VCAN: variants seen among roughly 807,000 people sequenced by gnomAD.
The protein encoded by VCAN is versican core protein.
Under a neutral mutation model 245.5 loss-of-function variants are expected in VCAN, and 44 were observed. The observed-to-expected ratio is 0.18, with a 90% CI of 0.14 to 0.23. The LOEUF (loss-of-function observed/expected upper bound fraction) is 0.23, where lower values mean the gene tolerates loss of function less well. Among genes scored for constraint, VCAN ranks in the 10% least tolerant of loss-of-function variants. The pLI is 1.00. For missense variants in VCAN, 3,793 were observed against 4,057.9 expected (o/e 0.93, Z 1.77); for synonymous variants, 1,413 against 1,437.0 (o/e 0.98, Z 0.38).
chr5:83,489,647 G>A (rs971253400), intron 2 of VCAN, among the ~76,000 whole-genome samples: 49 of 152,146 alleles, frequency 3.2e-4, no homozygotes, highest in African/African-American at 1.2e-3. Context: ...TTCCTCTAAG[G>A]TAATGTGGCA....
At chr5:83,547,796 T>C (rs1208847531) in intron 9 of VCAN, among the ~76,000 whole-genome samples, 175 bp from the exon 10 acceptor site, 3 of 152,222 alleles carry the variant, frequency 2.0e-5, no homozygotes, top group East Asian at 1.9e-4. Context: ...CTTTGTAGTA[T>C]AGGTTTGCCC....
intron 5 of VCAN, among the ~76,000 whole-genome samples, chr5:83,508,048 T>G (rs929811624): frequency 6.6e-6 from 1 of 152,226 alleles, no homozygotes; most frequent in Non-Finnish European, 1.5e-5. Flanking sequence ...AGTAATGAGC[T>G]CTTTCCATGT....
chr5:83,519,833 T>C lies in VCAN; in HGVS notation c.1527T>C (p.Pro509=). The C allele has an allele frequency of 6.2e-7, 1 of 1,614,138 alleles. No homozygotes were observed. ...CTATGGAAATCTTAAAGCACATTCC[T>C]TCCAAGGAATTCCCTGTAACTGAAA... ...VTSMEILKHI[P]SKEFPVTETP... is the part of the protein sequence containing the mutation. Residue 509 remains proline, a synonymous_variant, in exon 7 of 15, where the codon CCT becomes CCC. Transcript: ENST00000265077.
At chr5:83,508,733 C>T (rs1461433122) in intron 5 of VCAN, among the ~76,000 whole-genome samples, 1 of 152,182 alleles carries the variant, frequency 6.6e-6, no homozygotes, top group African/African-American at 2.4e-5. Flanking sequence ...AAAGTAAACT[C>T]AATTGATTCT....
At chr5:83,572,115 A>T (rs1050266235) in intron 12 of VCAN, among the ~76,000 whole-genome samples, 29 of 152,190 alleles carry the variant, frequency 1.9e-4, no homozygotes, top group African/African-American at 7.0e-4. Context: ...AATTAATAAT[A>T]TGATGAAATT....
intron 8 of VCAN, among the ~76,000 whole-genome samples, chr5:83,543,289 T>G (rs1747074923): frequency 6.6e-6 from 1 of 152,200 alleles, no homozygotes; most frequent in South Asian, 2.1e-4. Flanking sequence ...ATTAACAATG[T>G]CAGTGGAATC....
chr5:83,518,948 C>G (rs1745964896), intron 6 of VCAN, among the ~76,000 whole-genome samples: 1 of 152,150 alleles, frequency 6.6e-6, no homozygotes, highest in South Asian at 2.1e-4. Context: ...AAGAATAGTA[C>G]TAAATTCTCC....
chr5:83,515,929 C>A (rs1182957850), intron 6 of VCAN, among the ~76,000 whole-genome samples: 1 of 152,156 alleles, frequency 6.6e-6, no homozygotes, highest in African/African-American at 2.4e-5. Context: ...ACTCATATAA[C>A]TTTAAAAAGA....
chr5:83,512,108 G>A lies in VCAN; in HGVS notation c.754G>A (p.Val252Met). Residue 252 changes from valine to methionine, a missense_variant, in exon 6 of 15, where the codon GTG becomes ATG. Around this residue, in one of 5 missense-constraint regions of VCAN, gnomAD observed 190 missense variants for 288.6 expected, o/e 0.66. Coordinates refer to ENST00000265077, the MANE Select transcript of VCAN (RefSeq NM_004385.5). ...TTCCCTTCTTTTTTTTCCAGGTGATGTGTTCCACCTCACTGTCCCCAGTAA... is the reference window on the plus strand; with the variant it reads ...TTCCCTTCTTTTTTTTCCAGGTGATATGTTCCACCTCACTGTCCCCAGTAA... ...YCYVDHLDGD[V>M]FHLTVPSKFT... 6.2e-7 allele frequency: 1 copy of A among 1,613,724 alleles called. No individual in the cohort carries two copies. Among genetic ancestry groups the A allele is most frequent in the Non-Finnish European group, 8.5e-7 (1 of 1,179,956 alleles).
At chr5:83,511,104 C>G (rs1325413677) in intron 5 of VCAN, among the ~76,000 whole-genome samples, 1 of 151,738 alleles carries the variant, frequency 6.6e-6, no homozygotes, top group Non-Finnish European at 1.5e-5. Flanking sequence ...ACTGAGCCTC[C>G]ATCTGGGGCC....
At chr5:83,486,678 G>T (rs1010064211) in intron 2 of VCAN, among the ~76,000 whole-genome samples, 11 of 152,184 alleles carry the variant, frequency 7.2e-5, no homozygotes, top group Non-Finnish European at 1.6e-4. Flanking sequence ...AACAACTTGT[G>T]TTGTACCTCC....
intron 13 of VCAN, among the ~76,000 whole-genome samples, chr5:83,577,810 T>G (rs1360843912): frequency 1.3e-5 from 2 of 152,210 alleles, no homozygotes; most frequent in African/African-American, 4.8e-5. Flanking sequence ...CTCTGCCATG[T>G]TGCCTCTTTC....
At chr5:83,523,356 A>G (rs1440526495) in intron 7 of VCAN, among the ~76,000 whole-genome samples, 1 of 152,070 alleles carries the variant, frequency 6.6e-6, no homozygotes, top group Non-Finnish European at 1.5e-5. Flanking sequence ...AATTAAATGA[A>G]TGAGTATTCG....
intron 5 of VCAN, among the ~76,000 whole-genome samples, chr5:83,504,580 C>T (rs973483684): frequency 1.3e-5 from 2 of 152,020 alleles, no homozygotes; most frequent in African/African-American, 4.8e-5. Flanking sequence ...TGGGGTTTCA[C>T]CATGTTGGCC....
At chr5:83,560,845 G>T (rs1386491985) in intron 12 of VCAN, among the ~76,000 whole-genome samples, 1 of 152,008 alleles carries the variant, frequency 6.6e-6, no homozygotes, top group Non-Finnish European at 1.5e-5. Flanking sequence ...TTTCTTCAAT[G>T]ATTCCCCCCA....
intron 5 of VCAN, among the ~76,000 whole-genome samples, chr5:83,502,289 T>C (rs1745353828): frequency 6.6e-6 from 1 of 152,192 alleles, no homozygotes. Context: ...TGACAGTCAT[T>C]TGCTTTAAGG....
intron 7 of VCAN, among the ~76,000 whole-genome samples, chr5:83,524,499 T>TCTAC (rs1211862810): frequency 1.3e-5 from 2 of 151,560 alleles, no homozygotes; most frequent in East Asian, 1.9e-4. Context: ...TAATTATGTA[T>TCTAC]CTACCTACCT....
At position 83,580,639 on chromosome 5, in the gene VCAN, G is replaced by C. The variant is rs1748641711; in HGVS notation, c.*205G>C. ...CAGCAGACAAAATGAAAGAAAATGA[G>C]AGCAGAAAGTAAGCATTTCCAGCCT... is the stretch of plus-strand genomic sequence containing the variant. On this transcript the variant is annotated 3_prime_UTR_variant, in exon 15 of 15. Coordinates refer to ENST00000265077, the MANE Select transcript of VCAN (RefSeq NM_004385.5). 1.4e-6 allele frequency: 1 copy of C among 713,664 alleles called. No homozygotes were observed. The allele number at this position is 713,664 out of a possible 1,614,324, so 44.2% of individuals were successfully genotyped here.
At chr5:83,530,172 T>G (rs1465731900) in intron 7 of VCAN, among the ~76,000 whole-genome samples, 1 of 152,174 alleles carries the variant, frequency 6.6e-6, no homozygotes, top group Non-Finnish European at 1.5e-5. Context: ...ATTAGCTTTT[T>G]GCTTTTCCTC....
Sources: allele counts gnomAD v4.1 joint callset (sites outside exome capture counted in the v4.1 genomes callset), GRCh38; gene constraint gnomAD v4.1.1; regional missense constraint gnomAD v4.1.1; transcripts MANE v1.5; gene names NCBI Gene and HGNC (gene_info 2026-07-23, HGNC 2026-07-21).